SLC9A4: variants seen among roughly 807,000 people sequenced by gnomAD.
SLC9A4 encodes the protein solute carrier family 9 member A4, also known as sodium/hydrogen exchanger 4.
Under a neutral mutation model 67.4 loss-of-function variants are expected in SLC9A4, and 63 were observed. The ratio of observed to expected loss-of-function variants is 0.93; its 90% CI spans 0.76 to 1.15. SLC9A4 has a LOEUF of 1.15. Ranked by LOEUF, SLC9A4 falls within the 50% of genes most tolerant of loss-of-function variation. The pLI, the probability that SLC9A4 is intolerant of heterozygous loss-of-function variation, is 0.00. For missense variants in SLC9A4, 1,089 were observed against 987.7 expected (o/e 1.10, Z -1.38); for synonymous variants, 393 against 367.2 (o/e 1.07, Z -0.80).
chr2:102,481,157 C>A (rs1684453620), intron 2 of SLC9A4, among the ~76,000 whole-genome samples: 1 of 152,064 alleles, frequency 6.6e-6, no homozygotes, highest in African/African-American at 2.4e-5. Context: ...CAGTTGAGGT[C>A]CTCATAATTT....
At chr2:102,512,394 C>T (rs1685183820) in intron 7 of SLC9A4, 121 bp downstream of exon 7, 7 of 1,033,196 alleles carry the variant, frequency 6.8e-6, no homozygotes, top group Non-Finnish European at 8.6e-6. Context: ...CCTGAGCCAT[C>T]CCCTACAGGA....
At chr2:102,490,639 A>G (rs1684675861) in intron 2 of SLC9A4, among the ~76,000 whole-genome samples, 1 of 152,192 alleles carries the variant, frequency 6.6e-6, no homozygotes, top group Non-Finnish European at 1.5e-5. Flanking sequence ...GGCATGATTC[A>G]ACCCGTAGCT....
chr2:102,526,356 C>T lies in SLC9A4; in HGVS notation c.2038+10C>T, dbSNP rs1459463779. 6.2e-7 allele frequency: 1 copy of T among 1,612,942 alleles called. No individual in the cohort carries two copies. Among genetic ancestry groups the T allele is most frequent in the African/African-American group, 1.3e-5 (1 of 74,982 alleles). ...GCTGCTGGGTTCTCAGGTAAGCTGC[C>T]CACCTGGCTGCTCTGCTGCTTTTCT... On this transcript the variant is annotated intron_variant, in intron 11 of 11. Coordinates refer to ENST00000295269, the MANE Select transcript of SLC9A4 (RefSeq NM_001011552.4).
At chr2:102,497,127 T>G (rs974759146) in intron 2 of SLC9A4, among the ~76,000 whole-genome samples, 3 of 152,214 alleles carry the variant, frequency 2.0e-5, no homozygotes, top group African/African-American at 7.2e-5. Context: ...GAGACAGGGT[T>G]TCACCATGTA....
At chr2:102,526,402 T>C (rs1016480236) in intron 11 of SLC9A4, 56 bp downstream of exon 11, 1 of 1,546,684 alleles carries the variant, frequency 6.5e-7, no homozygotes, top group Non-Finnish European at 8.9e-7. Flanking sequence ...GTGGTAAATA[T>C]CTGGGGGTGT....
intron 1 of SLC9A4, among the ~76,000 whole-genome samples, chr2:102,475,643 A>G (rs1343062847): frequency 6.6e-6 from 1 of 152,188 alleles, no homozygotes; most frequent in Non-Finnish European, 1.5e-5. Context: ...ATACTTTAGA[A>G]AAAAAGAGTA....
intron 2 of SLC9A4, among the ~76,000 whole-genome samples, chr2:102,480,746 G>A (rs1684445123): frequency 6.6e-6 from 1 of 152,106 alleles, no homozygotes; most frequent in African/African-American, 2.4e-5. Context: ...TGCCTCCTTG[G>A]TAAATGAGAG....
At chr2:102,482,393 T>A (rs977137271) in intron 2 of SLC9A4, among the ~76,000 whole-genome samples, 1 of 152,168 alleles carries the variant, frequency 6.6e-6, no homozygotes, top group African/African-American at 2.4e-5. Context: ...TGATATATGT[T>A]GATATAAAAT....
Position 102,473,740 on chromosome 2 carries a change from G to C in SLC9A4, c.-20G>C. 3 of 1,612,402 alleles carry C rather than the reference G, an allele frequency of 1.9e-6. No individual in the cohort carries two copies. Among genetic ancestry groups the C allele is most frequent in the Non-Finnish European group, 2.5e-6 (3 of 1,179,448 alleles). Reference sequence around the variant, plus strand: ...TGGCACACATCCACACAGGGGTGTAGGTAGGAGAAGCCCACAGGAATGGCT... The same window carrying C: ...TGGCACACATCCACACAGGGGTGTACGTAGGAGAAGCCCACAGGAATGGCT... On this transcript the variant is annotated 5_prime_UTR_variant, in exon 1 of 12. It removes the in-frame stop codon of an upstream open reading frame in the 5' UTR. Transcript: ENST00000295269.
chr2:102,519,341 A>G (rs888142356), intron 8 of SLC9A4, among the ~76,000 whole-genome samples: 1 of 152,256 alleles, frequency 6.6e-6, no homozygotes, highest in Non-Finnish European at 1.5e-5. Context: ...CTAATATTCT[A>G]TTAGATAAAT....
Position 102,519,899 on chromosome 2 carries a change from G to T in SLC9A4, c.1762G>T (p.Asp588Tyr). ...IQGIKRLSPEDVESIRDILTS... is the reference protein window; with the variant it reads ...IQGIKRLSPEYVESIRDILTS... ...AGGAATCAAAAGACTTTCCCCTGAA[G>T]ATGTGGAGTCCATAAGGGACATTCT... The change falls in exon 9 of 12, where the codon GAT (aspartate) becomes TAT (tyrosine). Residue 588 changes from aspartate to tyrosine, a missense_variant. Coordinates refer to ENST00000295269, the MANE Select transcript of SLC9A4 (RefSeq NM_001011552.4). 6.2e-7 allele frequency: 1 copy of T among 1,613,820 alleles called. No individual in the cohort carries two copies. The highest frequency in any genetic ancestry group is 2.2e-5 in the East Asian group (1 of 44,854).
intron 11 of SLC9A4, among the ~76,000 whole-genome samples, chr2:102,531,770 C>T (rs1674783219): frequency 6.6e-6 from 1 of 152,186 alleles, no homozygotes; most frequent in Admixed American, 6.5e-5. Context: ...CACAGTCTGT[C>T]ACCTGCTTAG....
chr2:102,501,396 C>T (rs1373013083), intron 2 of SLC9A4, among the ~76,000 whole-genome samples: 1 of 152,162 alleles, frequency 6.6e-6, no homozygotes. Flanking sequence ...GCTAGGATTA[C>T]AGGCATGAGC....
intron 2 of SLC9A4, among the ~76,000 whole-genome samples, chr2:102,502,091 G>C (rs1684953636): frequency 6.6e-6 from 1 of 151,356 alleles, no homozygotes; most frequent in Non-Finnish European, 1.5e-5. Context: ...GGTGTAGATA[G>C]ATGCTAAGAG....
intron 2 of SLC9A4, 47 bp downstream of exon 2, chr2:102,479,349 G>T (rs200403078): frequency 6.5e-7 from 1 of 1,542,020 alleles, no homozygotes; most frequent in South Asian, 1.2e-5. Flanking sequence ...ATGAGGGTTC[G>T]GGGTGGGGCT....
In SLC9A4 at chr2:102,512,271, C is replaced by A. The variant is rs1222747082; in HGVS notation, c.1557C>A (p.Asp519Glu). 2 of 1,613,760 alleles carry A rather than the reference C, an allele frequency of 1.2e-6. No individual in the cohort carries two copies. The highest frequency in any genetic ancestry group is 1.7e-6 in the Non-Finnish European group (2 of 1,179,904). The change falls in exon 7 of 12, where the codon GAC (aspartate) becomes GAA (glutamate). Residue 519 changes from aspartate (D) to glutamate (E), a missense_variant and splice_region_variant. Physicochemically the swap from Asp to Glu is conservative, Grantham distance 45. Coordinates refer to ENST00000295269, the MANE Select transcript of SLC9A4 (RefSeq NM_001011552.4). The stretch of plus-strand genomic sequence containing the variant: ...ACTGGAGTCACTACCAAGTGAGAGA[C>A]AAGTAAGGAGGCTGAGGGTTTCACT... ...CGHWSHYQVR[D>E]KFKKFDHRYL...
At chr2:102,520,077 C>T in intron 9 of SLC9A4, 122 bp downstream of exon 9, 1 of 705,212 alleles carries the variant, frequency 1.4e-6, no homozygotes, top group Non-Finnish European at 2.3e-6. Flanking sequence ...TGGTAACTTG[C>T]TGAATATTTT....
intron 2 of SLC9A4, among the ~76,000 whole-genome samples, chr2:102,491,013 G>T (rs1036296844): frequency 6.6e-6 from 1 of 152,044 alleles, no homozygotes; most frequent in Non-Finnish European, 1.5e-5. Flanking sequence ...CCCCATTCTG[G>T]AAATGACATA....
chr2:102,503,947 T>C lies in SLC9A4; in HGVS notation c.980+240T>C, dbSNP rs562341408. 2.6e-5 allele frequency among the ~76,000 whole-genome samples: 4 copies of C among 152,356 alleles called. No individual in the cohort carries two copies. In the East Asian group the frequency reaches 5.8e-4, roughly 22 times the overall value. On this transcript the variant is annotated intron_variant, in intron 3 of 11. Coordinates refer to ENST00000295269, the MANE Select transcript of SLC9A4 (RefSeq NM_001011552.4). ...CCTGAGGAGGAAAGCATAGCAATTA[T>C]CACGTCAATTTAGAAGGCTCAGGAA...
Sources: gnomAD v4.1 joint callset for allele counts (sites outside exome capture counted in the v4.1 genomes callset) on GRCh38, gnomAD v4.1.1 for gene constraint, MANE v1.5 for transcripts, NCBI Gene and HGNC (gene_info 2026-07-23, HGNC 2026-07-21) for gene names.